MAP3K14: variants seen among roughly 807,000 people sequenced by gnomAD.
MAP3K14 encodes the protein NF-kappa-beta-inducing kinase.
Under a neutral mutation model 99.2 loss-of-function variants are expected in MAP3K14, and 16 were observed. The ratio of observed to expected loss-of-function variants is 0.16; its 90% confidence interval spans 0.11 to 0.24. MAP3K14 has a LOEUF of 0.24. Among genes scored for constraint, MAP3K14 ranks in the 10% least tolerant of loss-of-function variants. The probability of loss-of-function intolerance (pLI) is 1.00; values close to 1 mark genes in which losing one functional copy is unlikely to be tolerated. For synonymous variants in MAP3K14, 462 were observed against 492.4 expected (o/e 0.94, Z 0.82); for missense variants, 784 against 1,208.7 (o/e 0.65, Z 5.21).
chr17:45,299,178 A>T (rs1303703733), intron 1 of MAP3K14, among the ~76,000 whole-genome samples: 1 of 152,118 alleles, frequency 6.6e-6, no homozygotes, highest in Non-Finnish European at 1.5e-5. Context: ...AAATTCTCAG[A>T]TGAGTGAGCG....
intron 1 of MAP3K14, among the ~76,000 whole-genome samples, chr17:45,312,764 C>T (rs938754434): frequency 2.6e-5 from 4 of 152,102 alleles, no homozygotes; most frequent in African/African-American, 7.2e-5. Flanking sequence ...CGTGGGCCCC[C>T]AGACAGAGTC....
intron 6 of MAP3K14, among the ~76,000 whole-genome samples, chr17:45,283,413 T>G (rs1386061133): frequency 6.6e-6 from 1 of 151,438 alleles, no homozygotes; most frequent in African/African-American, 2.4e-5. Flanking sequence ...GAGGGCGGAG[T>G]TTTCGTATTC....
intron 1 of MAP3K14, among the ~76,000 whole-genome samples, chr17:45,295,394 G>C (rs1459128194): frequency 6.6e-6 from 1 of 152,050 alleles, no homozygotes; most frequent in Non-Finnish European, 1.5e-5. Context: ...ATCCACCGAG[G>C]ACCTCTACAA....
At chr17:45,316,775 C>A (rs2044538376) in intron 1 of MAP3K14, among the ~76,000 whole-genome samples, 185 bp downstream of exon 1, 1 of 151,802 alleles carries the variant, frequency 6.6e-6, no homozygotes. Context: ...CGTGCGAGGG[C>A]GCGCCCGCGG....
rs1192161937 is a variant in MAP3K14 at position 45,263,152 on chromosome 17, T to C, written c.*1484A>G. 2 of 152,256 alleles carry C rather than the reference T, an allele frequency of 1.3e-5. No individual in the cohort carries two copies. Among genetic ancestry groups the C allele is most frequent in the Non-Finnish European group, 2.9e-5 (2 of 68,076 alleles). 9.4% of individuals were successfully genotyped at this position (152,256 alleles called of 1,614,324 possible). ...AAACATTTGTCATCACCCCAAACTT[T>C]ATTGCTTACAAAGAGTTCTCTACAA... is the stretch of plus-strand genomic sequence containing the variant. On this transcript the variant is annotated 3_prime_UTR_variant, in exon 16 of 16. Coordinates refer to ENST00000344686, the MANE Select transcript of MAP3K14 (RefSeq NM_003954.5).
At chr17:45,288,797 G>A (rs898447473) in intron 3 of MAP3K14, among the ~76,000 whole-genome samples, 20 of 151,838 alleles carry the variant, frequency 1.3e-4, no homozygotes, top group African/African-American at 4.1e-4. Flanking sequence ...CTTTTCTACC[G>A]CCCGCATCCC....
chr17:45,270,974 C>A, intron 10 of MAP3K14, 84 bp downstream of exon 10: 2 of 1,525,764 alleles, frequency 1.3e-6, no homozygotes, highest in Admixed American at 1.9e-5. Context: ...CATCTGCCAC[C>A]GCAGAGCAGC....
chr17:45,305,245 C>T (rs1296474052), intron 1 of MAP3K14, among the ~76,000 whole-genome samples: 6 of 151,890 alleles, frequency 4.0e-5, no homozygotes, highest in South Asian at 2.1e-4. Context: ...TACAGGCACC[C>T]GCCACCACGC....
chr17:45,294,152 G>T (rs773849747), intron 1 of MAP3K14, among the ~76,000 whole-genome samples: 1 of 152,236 alleles, frequency 6.6e-6, no homozygotes, highest in Non-Finnish European at 1.5e-5. Flanking sequence ...CGCCCCAAAG[G>T]CATTGGGCCC....
chr17:45,264,615 A>T lies in MAP3K14; in HGVS notation c.*21T>A. The T allele has an allele frequency of 6.4e-7, 1 of 1,554,820 alleles. No individual in the cohort carries two copies. The highest frequency in any genetic ancestry group is 8.7e-7 in the Non-Finnish European group (1 of 1,150,226). The stretch of plus-strand genomic sequence containing the variant: ...AGGAAGGCTGCTTCCGGCAGTGTGG[A>T]GCCGGCGGTGGAGGGCAGGGTTAGG... On this transcript the variant is annotated 3_prime_UTR_variant, in exon 16 of 16. Transcript: ENST00000344686.
At chr17:45,271,558 C>G (rs2044142808) in intron 9 of MAP3K14, among the ~76,000 whole-genome samples, 1 of 152,166 alleles carries the variant, frequency 6.6e-6, no homozygotes, top group African/African-American at 2.4e-5. Flanking sequence ...GTTGGCCAGG[C>G]TGGTCTCGAA....
At chr17:45,309,389 C>T (rs1401493423) in intron 1 of MAP3K14, among the ~76,000 whole-genome samples, 4 of 152,238 alleles carry the variant, frequency 2.6e-5, no homozygotes, top group African/African-American at 4.8e-5. Context: ...CTCCTATAGT[C>T]ATGGCTCCTG....
intron 1 of MAP3K14, among the ~76,000 whole-genome samples, chr17:45,298,838 T>C (rs1052675235): frequency 2.6e-5 from 4 of 152,088 alleles, no homozygotes; most frequent in African/African-American, 9.7e-5. Context: ...TCAGAAGAGT[T>C]CAGTACAATA....
At chr17:45,304,755 G>C (rs2044418376) in intron 1 of MAP3K14, among the ~76,000 whole-genome samples, 1 of 152,168 alleles carries the variant, frequency 6.6e-6, no homozygotes, top group Non-Finnish European at 1.5e-5. Context: ...CTAATCCTGA[G>C]GAATGGCCAT....
rs765079927 is a variant in MAP3K14 at position 45,287,169 on chromosome 17, G to A, written c.522C>T (p.Cys174=). 6.2e-7 allele frequency: 1 copy of A among 1,613,744 alleles called. No individual in the cohort carries two copies. Among genetic ancestry groups the A allele is most frequent in the South Asian group, 1.1e-5 (1 of 91,038 alleles). Residue 174 remains cysteine, a synonymous_variant, in exon 4 of 16, where the codon TGC becomes TGT. Coordinates refer to ENST00000344686, the MANE Select transcript of MAP3K14 (RefSeq NM_003954.5). The part of the protein sequence containing the change: ...PLPRTPEQES[C]TIPVQEDESP... ...AGGGTCTCACCTGCACTGGGATGGT[G>A]CAGCTCTCCTGCTCAGGGGTCCTGG...
chr17:45,286,401 G>A lies in MAP3K14; in HGVS notation c.1152+30C>T, dbSNP rs1297762118. 6.4e-6 allele frequency: 10 copies of A among 1,552,160 alleles called. No individual in the cohort carries two copies. The highest frequency in any genetic ancestry group is 4.1e-5 in the African/African-American group (3 of 73,278). Reference sequence around the variant, plus strand: ...GCATCCCCCAGGTTGCTGGTAGAGGGACATATACAGGTGCCGGGGGATTAG... The same window carrying A: ...GCATCCCCCAGGTTGCTGGTAGAGGAACATATACAGGTGCCGGGGGATTAG... On this transcript the variant is annotated intron_variant, in intron 5 of 15. Coordinates refer to ENST00000344686, the MANE Select transcript of MAP3K14 (RefSeq NM_003954.5). The surrounding 1 kb of genome is among the most constrained non-coding windows in gnomAD (Gnocchi z 4.1).
intron 9 of MAP3K14, 28 bp from the exon 10 acceptor site, chr17:45,271,249 A>T (rs775109572): frequency 6.3e-6 from 10 of 1,580,504 alleles, no homozygotes; most frequent in Non-Finnish European, 6.8e-6. Flanking sequence ...ACATAAAGTT[A>T]CCTGGAATGC....
chr17:45,267,072 C>CA lies in MAP3K14; in HGVS notation c.2433+19_2433+20insT. The stretch of plus-strand genomic sequence containing the variant: ...AACCACACCCCTGGAGCCATGGCTC[C>CA]GGGGCCACAACCGACTCACCTTCTC... On this transcript the variant is annotated intron_variant, in intron 13 of 15. Coordinates refer to ENST00000344686, the MANE Select transcript of MAP3K14 (RefSeq NM_003954.5). This position sits in a 1 kb window ranked among gnomAD's most constrained non-coding sequence, Gnocchi z 5.1. 6.5e-7 allele frequency: 1 copy of CA among 1,546,990 alleles called. No individual in the cohort carries two copies. The highest frequency in any genetic ancestry group is 8.8e-7 in the Non-Finnish European group (1 of 1,139,990).
chr17:45,270,645 C>A, intron 10 of MAP3K14, 82 bp from the exon 11 acceptor site: 4 of 1,442,652 alleles, frequency 2.8e-6, no homozygotes, highest in Non-Finnish European at 3.6e-6. Context: ...GCGCAACTCC[C>A]GCCGGCCCCT....
Sources: allele counts gnomAD v4.1 joint callset (sites outside exome capture counted in the v4.1 genomes callset), GRCh38; gene constraint gnomAD v4.1.1; non-coding constraint Gnocchi (gnomAD v3.1); transcripts MANE v1.5; gene names NCBI Gene and HGNC (gene_info 2026-07-23, HGNC 2026-07-21).